ZNF260: variants seen among roughly 807,000 people sequenced by gnomAD.
The protein encoded by ZNF260 is zfp-260.
In ZNF260, 21 loss-of-function variants were observed where a neutral mutation model predicts 29.3. The ratio of observed to expected loss-of-function variants is 0.72; its 90% CI spans 0.51 to 1.03. ZNF260 has a LOEUF of 1.03. Ranked by LOEUF, ZNF260 falls within the 50% of genes least tolerant of loss-of-function variation. The pLI is 0.00. For missense variants in ZNF260, 465 were observed against 487.8 expected, an observed-to-expected ratio of 0.95 and a Z score of 0.44; for synonymous variants, 156 against 156.8, an observed-to-expected ratio of 0.99 and a Z score of 0.04.
At chr19:36,518,995 T>C (rs1325552313) in intron 2 of ZNF260, among the ~76,000 whole-genome samples, 1 of 151,332 alleles carries the variant, frequency 6.6e-6, no homozygotes, top group East Asian at 1.9e-4. Flanking sequence ...ATTACCCTAC[T>C]GAACTCCGGC....
Position 36,514,298 on chromosome 19 carries a change from G to C in ZNF260, c.941C>G (p.Ser314Cys). ...ATGTACAATAAGTGATGTGATTCGA[G>C]AGAAGGCTTTTCCACATTTATTACA... ...YECNKCGKAF[S>C]RITSLIVHVR... is the part of the protein sequence containing the mutation. The change falls in exon 3 of 3, where the codon TCT (serine) becomes TGT (cysteine). Residue 314 changes from serine (S) to cysteine (C), a missense_variant. Coordinates refer to ENST00000523638, the MANE Select transcript of ZNF260 (RefSeq NM_001166037.2). 6.2e-7 allele frequency: 1 copy of C among 1,614,034 alleles called. No homozygotes were observed. The highest frequency in any genetic ancestry group is 1.1e-5 in the South Asian group (1 of 91,076).
rs764711249 is a variant in ZNF260, at chr19:36,514,029, T to C, written c.1210A>G (p.Ile404Val). ...TGAGTATGAATTCTCTGGTGTCTAA[T>C]GTGATGTGACTTTTGGCTGAAAGCT... ...GKAFSQKSHHIRHQRIHTH is the reference protein window; with the variant it reads ...GKAFSQKSHHVRHQRIHTH The change falls in exon 3 of 3, where the codon ATT (isoleucine) becomes GTT (valine). Residue 404 changes from isoleucine to valine, a missense_variant. By Grantham distance (29) the Ile-to-Val change is conservative. Transcript: ENST00000523638. The C allele has an allele frequency of 1.9e-6, 3 of 1,613,994 alleles. No individual in the cohort carries two copies. The highest frequency in any genetic ancestry group is 1.7e-6 in the Non-Finnish European group (2 of 1,179,912).
intron 2 of ZNF260, among the ~76,000 whole-genome samples, chr19:36,523,799 A>G (rs2034684584): frequency 6.6e-6 from 1 of 151,982 alleles, no homozygotes; most frequent in Non-Finnish European, 1.5e-5. Flanking sequence ...GCTGGTCTCA[A>G]ACTCCTGACC....
rs561986973 is a variant in ZNF260 at position 36,513,842 on chromosome 19, TATA to T, written c.*155_*157del. The T allele has an allele frequency of 9.7e-4, 757 of 781,116 alleles. 6 individuals carry two copies. The African/African-American group carries it at 0.012, about 12-fold the overall frequency. The allele number at this position is 781,116 out of a possible 1,614,324, so 48.4% of individuals were successfully genotyped here. ...TTGGGGGTACGGGTTTTCTTTACAC[TATA>T]ATACTTATTAAACATCATAGTATTT... On this transcript the variant is annotated 3_prime_UTR_variant, in exon 3 of 3. Coordinates refer to ENST00000523638, the MANE Select transcript of ZNF260 (RefSeq NM_001166037.2).
chr19:36,516,721 G>A (rs1398497007), intron 2 of ZNF260, among the ~76,000 whole-genome samples: 1 of 152,160 alleles, frequency 6.6e-6, no homozygotes, highest in Non-Finnish European at 1.5e-5. Context: ...TGGGACTACA[G>A]GCGCCCACCA....
intron 2 of ZNF260, among the ~76,000 whole-genome samples, chr19:36,519,464 G>A (rs144661769): frequency 3.3e-5 from 5 of 152,198 alleles, no homozygotes; most frequent in African/African-American, 4.8e-5. Context: ...TCAGAACCCC[G>A]TTAGTAACTG....
chr19:36,520,610 T>C (rs1462277100), intron 2 of ZNF260, among the ~76,000 whole-genome samples: 1 of 152,048 alleles, frequency 6.6e-6, no homozygotes, highest in Non-Finnish European at 1.5e-5. Flanking sequence ...ACCAGCACTT[T>C]GGGAGGCCAA....
Position 36,514,054 on chromosome 19 carries a change from T to C in ZNF260, c.1185A>G (p.Lys395=), listed in dbSNP as rs751202661. ...TGTGATGTGACTTTTGGCTGAAAGC[T>C]TTCCCACATTCACTACACTGATAAG... ...EKPYQCSECG[K]AFSQKSHHIR... Residue 395 remains lysine, a synonymous_variant, in exon 3 of 3, where the codon AAA becomes AAG. Coordinates refer to ENST00000523638, the MANE Select transcript of ZNF260 (RefSeq NM_001166037.2). The C allele has an allele frequency of 6.2e-7, 1 of 1,614,028 alleles. No homozygotes were observed.
chr19:36,526,658 G>C (rs766867674), intron 1 of ZNF260, among the ~76,000 whole-genome samples: 1 of 152,042 alleles, frequency 6.6e-6, no homozygotes, highest in East Asian at 1.9e-4. Flanking sequence ...TAAATGTCTG[G>C]TAAATAGTTG....
Position 36,513,249 on chromosome 19 carries a change from T to C in ZNF260, c.*751A>G, listed in dbSNP as rs2034482000. On this transcript the variant is annotated 3_prime_UTR_variant, in exon 3 of 3. Coordinates refer to ENST00000523638, the MANE Select transcript of ZNF260 (RefSeq NM_001166037.2). ...CCATCTCTTGCAGAAAATAGGGGAC[T>C]ACCATACTCAAGAGTGGAACTACCG... 1 of 152,184 alleles carries C rather than the reference T, an allele frequency of 6.6e-6. No homozygotes were observed. Among genetic ancestry groups the C allele is most frequent in the African/African-American group, 2.4e-5 (1 of 41,438 alleles). 9.4% of individuals were successfully genotyped at this position (152,184 alleles called of 1,614,324 possible). A position where few individuals can be genotyped will look rare whatever the true frequency, so the allele number is the denominator to read the frequency against.
At chr19:36,526,637 G>A (rs551386264) in intron 1 of ZNF260, among the ~76,000 whole-genome samples, 7 of 152,084 alleles carry the variant, frequency 4.6e-5, no homozygotes, top group East Asian at 1.9e-4. Flanking sequence ...CTTATCATAC[G>A]TAATACAACG....
intron 2 of ZNF260, among the ~76,000 whole-genome samples, chr19:36,522,698 C>A (rs930956828): frequency 6.6e-6 from 1 of 152,172 alleles, no homozygotes; most frequent in Non-Finnish European, 1.5e-5. Context: ...ATTCCTCCAT[C>A]TTCTATCTGG....
chr19:36,512,918 A>G lies in ZNF260; in HGVS notation c.*1082T>C, dbSNP rs1027372153. On this transcript the variant is annotated 3_prime_UTR_variant, in exon 3 of 3. Transcript: ENST00000523638. ...ATGTTTCTTGGGTAGATGCATATAT[A>G]TAGTAGTTCCCCCTTATCCACAGCT... 22 of 152,188 alleles carry G rather than the reference A, an allele frequency of 1.4e-4. No homozygotes were observed. Among genetic ancestry groups the G allele is most frequent in the African/African-American group, 5.1e-4 (21 of 41,434 alleles). The allele number at this position is 152,188 out of a possible 1,614,324, so 9.4% of individuals were successfully genotyped here.
Position 36,515,093 on chromosome 19 carries a change from T to C in ZNF260, c.146A>G (p.His49Arg). The C allele has an allele frequency of 1.2e-6, 2 of 1,614,156 alleles. No individual in the cohort carries two copies. Among genetic ancestry groups the C allele is most frequent in the Non-Finnish European group, 1.7e-6 (2 of 1,180,024 alleles). ...GCATTCATGAGATTTCTCTCCAGTA[T>C]GCATTTTCTTATGCTCTACAAGGTT... is the stretch of plus-strand genomic sequence containing the variant. ...KQNLVEHKKMHTGEKSHECTE... is the reference protein window; with the variant it reads ...KQNLVEHKKMRTGEKSHECTE... The change falls in exon 3 of 3, where the codon CAT (histidine) becomes CGT (arginine). Residue 49 changes from histidine to arginine, a missense_variant. By Grantham distance (29) the His-to-Arg change is conservative. Coordinates refer to ENST00000523638, the MANE Select transcript of ZNF260 (RefSeq NM_001166037.2).
At chr19:36,518,566 G>A (rs181599717) in intron 2 of ZNF260, among the ~76,000 whole-genome samples, 8 of 152,216 alleles carry the variant, frequency 5.3e-5, no homozygotes, top group Admixed American at 2.0e-4. Flanking sequence ...GAGGAAGGCA[G>A]AAAGAAAGAG....
At chr19:36,526,397 T>TG (rs2034734213) in intron 1 of ZNF260, among the ~76,000 whole-genome samples, 1 of 151,696 alleles carries the variant, frequency 6.6e-6, no homozygotes, top group South Asian at 2.1e-4. Flanking sequence ...AAAAATTAGC[T>TG]GGGCATGGTG....
At chr19:36,515,873 ATTCT>A (rs1449369103) in intron 2 of ZNF260, among the ~76,000 whole-genome samples, 174 bp from the exon 3 acceptor site, 5 of 151,876 alleles carry the variant, frequency 3.3e-5, no homozygotes, top group African/African-American at 1.2e-4. Context: ...TGTAAAATAG[ATTCT>A]TTTTTTTTTT....
At chr19:36,526,114 T>C (rs1458053194) in intron 1 of ZNF260, among the ~76,000 whole-genome samples, 1 of 152,186 alleles carries the variant, frequency 6.6e-6, no homozygotes, top group African/African-American at 2.4e-5. Context: ...AGGACTAATA[T>C]TTTACTTAGA....
Position 36,514,128 on chromosome 19 carries a change from G to T in ZNF260, c.1111C>A (p.Gln371Lys), listed in dbSNP as rs747268495. Residue 371 changes from glutamine to lysine, a missense_variant, in exon 3 of 3, where the codon CAG (glutamine) becomes AAG (lysine). Coordinates refer to ENST00000523638, the MANE Select transcript of ZNF260 (RefSeq NM_001166037.2). Reference protein sequence around the residue: ...GCNECGKAFSQFSTLALHMRI... With the variant: ...GCNECGKAFSKFSTLALHMRI... ...ATGTGCAGAGCAAGGGTTGAGAACT[G>T]AGAAAAGGCTTTCCCACATTCATTA... is the stretch of plus-strand genomic sequence containing the variant. 1 of 1,614,076 alleles carries T rather than the reference G, an allele frequency of 6.2e-7. No individual in the cohort carries two copies. Among genetic ancestry groups the T allele is most frequent in the Non-Finnish European group, 8.5e-7 (1 of 1,180,000 alleles).
Sources: allele counts gnomAD v4.1 joint callset (sites outside exome capture counted in the v4.1 genomes callset), GRCh38; gene constraint gnomAD v4.1.1; transcripts MANE v1.5; gene names NCBI Gene and HGNC (gene_info 2026-07-23, HGNC 2026-07-21).